Variants in LYPD6 observed in about 807,000 individuals in gnomAD.
The protein encoded by LYPD6 is LY6/PLAUR domain containing 6.
In LYPD6, 15 loss-of-function variants were observed where a neutral mutation model predicts 22.7. That is an observed-to-expected ratio of 0.66 (90% CI 0.44 to 1.02). The LOEUF is 1.02. Among genes scored for constraint, LYPD6 ranks in the 50% least tolerant of loss-of-function variants. LYPD6 has a pLI of 0.00. For missense variants in LYPD6, 189 were observed against 208.4 expected (o/e 0.91, Z 0.57); for synonymous variants, 72 against 77.5 (o/e 0.93, Z 0.37).
chr2:149,485,680 C>A, the LYPD6 span, among the ~76,000 whole-genome samples: 1 of 152,134 alleles, frequency 6.6e-6, no homozygotes, highest in Non-Finnish European at 1.5e-5. Flanking sequence ...ATTAATAGCA[C>A]GGCAAGTCTT....
upstream of LYPD6, chr2:149,330,405 G>T (rs1311358697): frequency 6.6e-6 from 1 of 150,760 alleles, no homozygotes; most frequent in Non-Finnish European, 1.5e-5. Flanking sequence ...CCGGAGTTGG[G>T]CCGCGCGCGC....
chr2:149,423,898 A>G (rs1683135584), intron 1 of LYPD6, among the ~76,000 whole-genome samples: 1 of 152,146 alleles, frequency 6.6e-6, no homozygotes, highest in Non-Finnish European at 1.5e-5. Context: ...CTGACTCTTA[A>G]TGCACAGTAT....
chr2:149,412,060 G>A (rs1237403270), intron 1 of LYPD6, among the ~76,000 whole-genome samples: 1 of 151,904 alleles, frequency 6.6e-6, no homozygotes, highest in Non-Finnish European at 1.5e-5. Context: ...GTGCATTCTC[G>A]CCTATATTAT....
At chr2:149,453,908 C>T (rs1246827022) in intron 3 of LYPD6, among the ~76,000 whole-genome samples, 10 of 152,130 alleles carry the variant, frequency 6.6e-5, no homozygotes, top group Non-Finnish European at 8.8e-5. Context: ...CATGGGGACC[C>T]AACGCCTTGC....
intron 1 of LYPD6, among the ~76,000 whole-genome samples, chr2:149,379,688 G>T (rs947511308): frequency 1.8e-4 from 27 of 152,314 alleles, no homozygotes; most frequent in African/African-American, 6.5e-4. Flanking sequence ...CAGAACCACA[G>T]AATAAGGCAA....
intron 3 of LYPD6, among the ~76,000 whole-genome samples, chr2:149,459,590 G>T (rs981972232): frequency 2.0e-5 from 3 of 152,136 alleles, no homozygotes; most frequent in African/African-American, 7.2e-5. Flanking sequence ...TAAATATATT[G>T]TAGAGGATTA....
chr2:149,368,983 T>G (rs1178329839), intron 1 of LYPD6, among the ~76,000 whole-genome samples: 2 of 152,040 alleles, frequency 1.3e-5, no homozygotes, highest in African/African-American at 4.8e-5. Flanking sequence ...TATAGGAGTT[T>G]GTAGGAATCT....
intron 1 of LYPD6, among the ~76,000 whole-genome samples, chr2:149,389,719 T>C (rs1340878498): frequency 6.6e-6 from 1 of 152,198 alleles, no homozygotes; most frequent in African/African-American, 2.4e-5. Context: ...AAGGCAAAGT[T>C]GATCTCTCCC....
chr2:149,435,874 AC>A (rs1291600650), intron 1 of LYPD6, among the ~76,000 whole-genome samples: 1 of 152,248 alleles, frequency 6.6e-6, no homozygotes, highest in Non-Finnish European at 1.5e-5. Flanking sequence ...CTGTTGTCTA[AC>A]AATTTGCCAA....
At chr2:149,449,206 T>C in intron 3 of LYPD6, 59 bp downstream of exon 3, 1 of 1,157,064 alleles carries the variant, frequency 8.6e-7, no homozygotes, top group Non-Finnish European at 1.3e-6. Context: ...AACAGCCCTT[T>C]TGACTTTGGT....
chr2:149,334,154 G>A (rs1030028537), intron 1 of LYPD6, among the ~76,000 whole-genome samples: 1 of 152,090 alleles, frequency 6.6e-6, no homozygotes, highest in Non-Finnish European at 1.5e-5. Flanking sequence ...TACATGTAAT[G>A]AAAAAGGAAA....
At chr2:149,403,391 T>G (rs960492945) in intron 1 of LYPD6, among the ~76,000 whole-genome samples, 1 of 150,708 alleles carries the variant, frequency 6.6e-6, no homozygotes, top group Admixed American at 6.6e-5. Flanking sequence ...TTCCAGCACC[T>G]GTTGTTTCCT....
chr2:149,486,298 A>G, the LYPD6 span, among the ~76,000 whole-genome samples: 1 of 152,166 alleles, frequency 6.6e-6, no homozygotes, highest in African/African-American at 2.4e-5. Flanking sequence ...GGAACTCAAT[A>G]CCTGGTCTAA....
intron 1 of LYPD6, among the ~76,000 whole-genome samples, chr2:149,385,521 C>G (rs571937904): frequency 6.6e-6 from 1 of 152,278 alleles, no homozygotes; most frequent in Non-Finnish European, 1.5e-5. Context: ...TGCTAAAATT[C>G]AGGGACTTAG....
intron 1 of LYPD6, among the ~76,000 whole-genome samples, chr2:149,436,826 A>C (rs1482402134): frequency 6.6e-6 from 1 of 152,182 alleles, no homozygotes; most frequent in Non-Finnish European, 1.5e-5. Flanking sequence ...CAGGCGATCC[A>C]GGCCTTGGCC....
In LYPD6 at chr2:149,424,126, A is replaced by T. The variant is rs541166495; in HGVS notation, c.-71-13512A>T. Among the ~76,000 whole-genome samples the T allele has an allele frequency of 4.6e-5, 7 of 151,866 alleles. No homozygotes were observed. In the East Asian group the frequency reaches 1.4e-3, roughly 29 times the overall value. The stretch of plus-strand genomic sequence containing the variant: ...TTCCTGTAGCATGCGTACACATGTC[A>T]ATATGCACACAACACACACACACAT... On this transcript the variant is annotated intron_variant, in intron 1 of 4. Coordinates refer to ENST00000334166, the MANE Select transcript of LYPD6 (RefSeq NM_194317.5).
chr2:149,390,937 A>G (rs935381761), intron 1 of LYPD6, among the ~76,000 whole-genome samples: 1 of 152,168 alleles, frequency 6.6e-6, no homozygotes, highest in Non-Finnish European at 1.5e-5. Context: ...AACACTTTCA[A>G]CCTGTATGGT....
intron 1 of LYPD6, among the ~76,000 whole-genome samples, chr2:149,408,000 C>A (rs1239169110): frequency 6.6e-6 from 1 of 152,196 alleles, no homozygotes; most frequent in Non-Finnish European, 1.5e-5. Flanking sequence ...GAGGTCCACT[C>A]CAGACCCTGT....
At chr2:149,445,400 A>G (rs1431580627) in intron 2 of LYPD6, among the ~76,000 whole-genome samples, 1 of 152,232 alleles carries the variant, frequency 6.6e-6, no homozygotes, top group Non-Finnish European at 1.5e-5. Flanking sequence ...TGTCCTTTGA[A>G]GCCAGGCATT....
Sources: gnomAD v4.1 joint callset for allele counts (sites outside exome capture counted in the v4.1 genomes callset) on GRCh38, gnomAD v4.1.1 for gene constraint, MANE v1.5 for transcripts, NCBI Gene and HGNC (gene_info 2026-07-23, HGNC 2026-07-21) for gene names.